Variants in OR56A3 observed in about 807,000 individuals in gnomAD.
OR56A3 encodes olfactory receptor 56A3.
OR56A3 carries 23 observed loss-of-function variants against 17.5 expected under a neutral mutation model. The observed-to-expected ratio is 1.32, with a 90% CI of 0.95 to 1.87. OR56A3 has a LOEUF of 1.87. Among genes scored for constraint, OR56A3 ranks in the 40% most tolerant of loss-of-function variants. The pLI, the probability that OR56A3 is intolerant of heterozygous loss-of-function variation, is 0.00. For synonymous variants in OR56A3, 175 were observed against 150.6 expected, an observed-to-expected ratio of 1.16 and a Z score of -1.19; for missense variants, 366 against 380.1, an observed-to-expected ratio of 0.96 and a Z score of 0.31.
chr11:5,966,503 T>C, the OR56A3 span, among the ~76,000 whole-genome samples: 7 of 152,184 alleles, frequency 4.6e-5, no homozygotes, highest in African/African-American at 1.7e-4. Flanking sequence ...AAGTGCTCTA[T>C]TACTAACCAA....
At chr11:6,009,026 T>G in the OR56A3 span, among the ~76,000 whole-genome samples, 14 of 152,310 alleles carry the variant, frequency 9.2e-5, no homozygotes, top group African/African-American at 3.1e-4. Context: ...TGTTGTGAGT[T>G]GAATTGTACC....
the OR56A3 span, among the ~76,000 whole-genome samples, chr11:6,017,897 G>C: frequency 1.1e-4 from 17 of 152,186 alleles, no homozygotes; most frequent in African/African-American, 4.1e-4. Flanking sequence ...GAAACCAAAG[G>C]TGGACGGGAG....
At chr11:5,999,272 C>T in the OR56A3 span, among the ~76,000 whole-genome samples, 10 of 152,120 alleles carry the variant, frequency 6.6e-5, no homozygotes, top group East Asian at 1.9e-4. Context: ...TGTGCAATAA[C>T]GGTCAGCCTA....
the OR56A3 span, among the ~76,000 whole-genome samples, chr11:6,013,781 G>T: frequency 1.3e-5 from 2 of 152,140 alleles, no homozygotes; most frequent in African/African-American, 4.8e-5. Context: ...AGAGCCTAAA[G>T]TCAGGCCAGC....
At chr11:5,960,608 A>G in the OR56A3 span, among the ~76,000 whole-genome samples, 2 of 152,142 alleles carry the variant, frequency 1.3e-5, no homozygotes, top group African/African-American at 4.8e-5. Context: ...TCGGCTCGCT[A>G]CAACCTCCAC....
the OR56A3 span, among the ~76,000 whole-genome samples, chr11:5,995,258 A>G: frequency 6.6e-6 from 1 of 152,208 alleles, no homozygotes; most frequent in Non-Finnish European, 1.5e-5. Flanking sequence ...GCTATTTTGT[A>G]TTATTCATTC....
At chr11:5,995,175 G>C in the OR56A3 span, among the ~76,000 whole-genome samples, 1 of 152,238 alleles carries the variant, frequency 6.6e-6, no homozygotes, top group East Asian at 1.9e-4. Context: ...GCAGGTAGGA[G>C]AGTGAGAGAA....
chr11:5,950,384 A>G lies in OR56A3; in HGVS notation c.*2090A>G, dbSNP rs2134365317. On this transcript the variant is annotated 3_prime_UTR_variant, in exon 3 of 3. Coordinates refer to ENST00000641160, the MANE Select transcript of OR56A3 (RefSeq NM_001003443.3). Reference sequence around the variant, plus strand: ...AACATGGTAAAAAGTTCATATTTTAAAAGTATTTGCCTGAAAAATCTGTTT... The same window carrying G: ...AACATGGTAAAAAGTTCATATTTTAGAAGTATTTGCCTGAAAAATCTGTTT... 1 of 152,292 alleles carries G rather than the reference A, an allele frequency of 6.6e-6. No homozygotes were observed. Among genetic ancestry groups the G allele is most frequent in the East Asian group, 1.9e-4 (1 of 5,188 alleles). The allele number at this position is 152,292 out of a possible 1,614,324, so 9.4% of individuals were successfully genotyped here. A position where few individuals can be genotyped will look rare whatever the true frequency, so the allele number is the denominator to read the frequency against.
chr11:5,961,132 G>T, the OR56A3 span, among the ~76,000 whole-genome samples: 1 of 150,742 alleles, frequency 6.6e-6, no homozygotes, highest in Non-Finnish European at 1.5e-5. Flanking sequence ...TCCGGGAGGT[G>T]GGGGGCAGCC....
At chr11:6,000,637 C>G in the OR56A3 span, 2 of 151,892 alleles carry the variant, frequency 1.3e-5, no homozygotes, top group Non-Finnish European at 2.9e-5. Flanking sequence ...ATAAAAAAAC[C>G]TGGTAGGAAA....
rs1158756422 is a variant in OR56A3 at position 5,947,707 on chromosome 11, G to A, written c.361G>A (p.Val121Ile). 4.3e-6 allele frequency: 7 copies of A among 1,613,986 alleles called. No homozygotes were observed. Among genetic ancestry groups the A allele is most frequent in the East Asian group, 4.5e-5 (2 of 44,892 alleles). The change falls in exon 3 of 3, where the codon GTC (valine) becomes ATC (isoleucine). Residue 121 changes from valine to isoleucine, a missense_variant. By Grantham distance (29) the Val-to-Ile change is conservative. Transcript: ENST00000641160. The part of the protein sequence containing the change: ...FLAMESCTFM[V>I]MAYDRYVAIC... ...AGCCATGGAGTCTTGCACATTCATG[G>A]TCATGGCCTATGATCGTTATGTAGC...
the OR56A3 span, among the ~76,000 whole-genome samples, chr11:5,956,972 A>G: frequency 2.0e-5 from 3 of 152,166 alleles, no homozygotes; most frequent in Admixed American, 6.5e-5. Flanking sequence ...CCTGACCAAC[A>G]CGGTGAAACT....
At chr11:5,957,505 A>T in the OR56A3 span, among the ~76,000 whole-genome samples, 1 of 152,236 alleles carries the variant, frequency 6.6e-6, no homozygotes, top group Admixed American at 6.5e-5. Flanking sequence ...TTTCTCCACT[A>T]TCTTGTAACT....
the OR56A3 span, among the ~76,000 whole-genome samples, chr11:5,978,680 C>T: frequency 6.6e-5 from 10 of 152,132 alleles, no homozygotes; most frequent in Admixed American, 2.0e-4. Context: ...GTTTGACTTC[C>T]TCTCTTCCTA....
rs1847860209 is a variant in OR56A3, at chr11:5,945,003, T to C, written c.-116T>C. On this transcript the variant is annotated 5_prime_UTR_variant, in exon 2 of 3. Coordinates refer to ENST00000641160, the MANE Select transcript of OR56A3 (RefSeq NM_001003443.3). ...ATGAGGAGAATCTGACAGGACCCAG[T>C]TGAGCAAGGACTGGAACTGCTTTTG... The C allele has an allele frequency of 1.3e-5, 2 of 152,154 alleles. No homozygotes were observed. Among genetic ancestry groups the C allele is most frequent in the Non-Finnish European group, 2.9e-5 (2 of 68,044 alleles). 9.4% of individuals were successfully genotyped at this position (152,154 alleles called of 1,614,324 possible). A position where few individuals can be genotyped will look rare whatever the true frequency, so the allele number is the denominator to read the frequency against.
the OR56A3 span, among the ~76,000 whole-genome samples, chr11:5,980,969 A>G: frequency 9.7e-4 from 148 of 152,258 alleles, 1 homozygote; most frequent in Non-Finnish European, 1.5e-3. Flanking sequence ...TCTTTTCTTT[A>G]AGGAGAGTGA....
chr11:5,944,091 G>A (rs1413501553), intron 1 of OR56A3, among the ~76,000 whole-genome samples: 2 of 152,178 alleles, frequency 1.3e-5, no homozygotes, highest in African/African-American at 2.4e-5. Flanking sequence ...TCACCAACTG[G>A]AGGCTGGAAG....
the OR56A3 span, among the ~76,000 whole-genome samples, chr11:5,985,094 C>A: frequency 6.6e-6 from 1 of 152,196 alleles, no homozygotes; most frequent in South Asian, 2.1e-4. Context: ...GTGTCCATAA[C>A]TGCTACTATA....
intron 1 of OR56A3, chr11:5,943,532 A>AAAC (rs2134359715): frequency 6.7e-6 from 1 of 148,718 alleles, no homozygotes; most frequent in African/African-American, 2.5e-5. Context: ...AAAAAAAAAA[A>AAAC]CCACCTTATT....
Sources: allele counts gnomAD v4.1 joint callset (sites outside exome capture counted in the v4.1 genomes callset), GRCh38; gene constraint gnomAD v4.1.1; transcripts MANE v1.5; gene names NCBI Gene and HGNC (gene_info 2026-07-23, HGNC 2026-07-21).